The following CFHR2 variants were observed in gnomAD, a reference collection of about 807,000 sequenced individuals.
CFHR2 encodes the protein complement factor H related 2, also known as complement factor H-related protein 2.
CFHR2 carries 22 observed loss-of-function variants against 21.7 expected under a neutral mutation model. The ratio of observed to expected loss-of-function variants is 1.01; its 90% CI spans 0.72 to 1.45. CFHR2 has a LOEUF of 1.45. CFHR2 is among the 40% of genes most tolerant of loss of function. The pLI, the probability that CFHR2 is intolerant of heterozygous loss-of-function variation, is 0.00. For missense variants in CFHR2, 294 were observed against 293.3 expected, an observed-to-expected ratio of 1.00 and a Z score of -0.02; for synonymous variants, 98 against 97.4, an observed-to-expected ratio of 1.01 and a Z score of -0.04.
chr1:196,956,319 A>G (rs1241170878), intron 3 of CFHR2, among the ~76,000 whole-genome samples: 1 of 152,208 alleles, frequency 6.6e-6, no homozygotes, highest in Admixed American at 6.5e-5. Flanking sequence ...GTTTAATGTA[A>G]TTAAGTCAAA....
intron 4 of CFHR2, among the ~76,000 whole-genome samples, chr1:196,958,560 T>C (rs953297821): frequency 5.9e-5 from 9 of 152,118 alleles, no homozygotes; most frequent in Non-Finnish European, 1.0e-4. Context: ...TTACTGAAAG[T>C]TTGGATTCTT....
rs762256616 is a variant in CFHR2 at position 196,958,881 on chromosome 1, A to T, written c.614A>T (p.Asp205Val). 6 of 1,553,196 alleles carry T rather than the reference A, an allele frequency of 3.9e-6. No individual in the cohort carries two copies. Among genetic ancestry groups the T allele is most frequent in the Non-Finnish European group, 5.3e-6 (6 of 1,128,856 alleles). Residue 205 changes from aspartate to valine, a missense_variant and splice_region_variant, in exon 5 of 5, where the codon GAT becomes GTT. Physicochemically the swap from Asp to Val is radical, Grantham distance 152. Coordinates refer to ENST00000367415, the MANE Select transcript of CFHR2 (RefSeq NM_005666.4). Reference protein sequence around the residue: ...GQWSEPPKCLDPCVISQEIME... With the variant: ...GQWSEPPKCLVPCVISQEIME... The stretch of plus-strand genomic sequence containing the variant: ...TATGTTCATTTTTTTCTACTTTCAG[A>T]TCCATGTGTAATATCACAAGAAATT...
At chr1:196,957,004 C>T (rs1001751219) in intron 3 of CFHR2, among the ~76,000 whole-genome samples, 1 of 152,122 alleles carries the variant, frequency 6.6e-6, no homozygotes, top group African/African-American at 2.4e-5. Flanking sequence ...GTCTAGGTTC[C>T]TCAGTTGACC....
intron 3 of CFHR2, among the ~76,000 whole-genome samples, 184 bp downstream of exon 3, chr1:196,951,212 A>T (rs1399205748): frequency 6.6e-6 from 1 of 152,220 alleles, no homozygotes; most frequent in Non-Finnish European, 1.5e-5. Context: ...GCCTACCTAT[A>T]TAAATCAAAT....
intron 1 of CFHR2, 165 bp from the exon 2 acceptor site, chr1:196,949,290 T>A (rs528254659): frequency 1.6e-6 from 1 of 632,328 alleles, no homozygotes; most frequent in East Asian, 2.8e-5. Flanking sequence ...GTACTCTTAG[T>A]TAGTGATGTC....
chr1:196,950,133 CA>C (rs1197819364), intron 2 of CFHR2, among the ~76,000 whole-genome samples: 1 of 151,942 alleles, frequency 6.6e-6, no homozygotes, highest in Non-Finnish European at 1.5e-5. Flanking sequence ...CCAATGATAA[CA>C]GGTATATTAA....
intron 3 of CFHR2, among the ~76,000 whole-genome samples, chr1:196,954,409 C>T (rs1652788763): frequency 6.6e-6 from 1 of 152,230 alleles, no homozygotes; most frequent in African/African-American, 2.4e-5. Flanking sequence ...GCATTGAGTG[C>T]CTGCAGCCTT....
intron 3 of CFHR2, among the ~76,000 whole-genome samples, chr1:196,957,177 G>C (rs896442219): frequency 2.6e-5 from 4 of 152,030 alleles, no homozygotes; most frequent in Non-Finnish European, 4.4e-5. Context: ...TTTTCTGTCT[G>C]AACCTCATAT....
At chr1:196,955,602 A>C (rs1652839216) in intron 3 of CFHR2, among the ~76,000 whole-genome samples, 1 of 152,118 alleles carries the variant, frequency 6.6e-6, no homozygotes, top group African/African-American at 2.4e-5. Flanking sequence ...TAATCCTAGC[A>C]CTTTGGGAGA....
chr1:196,947,121 A>G (rs994137004), intron 1 of CFHR2, among the ~76,000 whole-genome samples: 2 of 149,678 alleles, frequency 1.3e-5, no homozygotes, highest in African/African-American at 2.5e-5. Context: ...GTACAACTGT[A>G]TATATGTATG....
chr1:196,953,531 C>A (rs934850053), intron 3 of CFHR2, among the ~76,000 whole-genome samples: 7 of 152,174 alleles, frequency 4.6e-5, no homozygotes, highest in African/African-American at 9.7e-5. Context: ...GATCCACCAA[C>A]CTTGGTATCC....
chr1:196,950,959 C>T lies in CFHR2; in HGVS notation c.361C>T (p.Gln121Ter), dbSNP rs367681585. 5 of 1,614,094 alleles carry T rather than the reference C, an allele frequency of 3.1e-6. No individual in the cohort carries two copies. Among genetic ancestry groups the T allele is most frequent in the Middle Eastern group, 3.3e-4 (2 of 6,060 alleles). The change falls in exon 3 of 5, where the codon CAA becomes TAA. Residue 121 changes from glutamine (Q) to a stop codon, truncating the protein, a stop_gained. Coordinates refer to ENST00000367415, the MANE Select transcript of CFHR2 (RefSeq NM_005666.4). LOFTEE classifies it high-confidence loss of function. Reference sequence around the variant, plus strand: ...TATTTGCAACACAGGATACAGACTTCAAAACAATGAGAACAACATTTCATG... The same window carrying T: ...TATTTGCAACACAGGATACAGACTTTAAAACAATGAGAACAACATTTCATG... ...QIICNTGYRL[Q>*]NNENNISCVE... is the part of the protein sequence containing the mutation.
At chr1:196,951,526 C>T (rs554190304) in intron 3 of CFHR2, among the ~76,000 whole-genome samples, 4 of 152,192 alleles carry the variant, frequency 2.6e-5, no homozygotes, top group South Asian at 4.2e-4. Flanking sequence ...ATTTGGAAAA[C>T]GATTCTTTTG....
intron 4 of CFHR2, among the ~76,000 whole-genome samples, chr1:196,958,286 A>G (rs1243565170): frequency 1.3e-5 from 2 of 152,062 alleles, no homozygotes; most frequent in Non-Finnish European, 1.5e-5. Flanking sequence ...AATAAAAAGA[A>G]TACATATTTA....
intron 1 of CFHR2, among the ~76,000 whole-genome samples, chr1:196,947,362 T>C (rs1234653447): frequency 1.3e-5 from 2 of 152,182 alleles, no homozygotes; most frequent in African/African-American, 2.4e-5. Context: ...AACTGGGTGA[T>C]GAAAACCAAG....
chr1:196,950,725 A>G (rs1659692306), intron 2 of CFHR2, 127 bp from the exon 3 acceptor site: 2 of 1,037,378 alleles, frequency 1.9e-6, no homozygotes, highest in Admixed American at 2.1e-5. Context: ...CACTCACCTC[A>G]GCCTCCCAAA....
chr1:196,950,462 GTTTGT>G (rs368906118), intron 2 of CFHR2, among the ~76,000 whole-genome samples: 1,875 of 151,722 alleles, frequency 0.012, 18 homozygotes, highest in Non-Finnish European at 0.02. Context: ...TTTTTTGTTT[GTTTGT>G]TTTGTTTTGT....
chr1:196,945,812 A>G (rs1029414156), intron 1 of CFHR2, among the ~76,000 whole-genome samples: 1 of 149,622 alleles, frequency 6.7e-6, no homozygotes, highest in African/African-American at 2.5e-5. Context: ...GTGTATAAAC[A>G]GTCATGCATC....
chr1:196,958,910 G>GA lies in CFHR2; in HGVS notation c.648dup (p.Tyr217IlefsTer2). 2 of 1,592,450 alleles carry GA rather than the reference G, an allele frequency of 1.3e-6. No individual in the cohort carries two copies. The highest frequency in any genetic ancestry group is 4.5e-5 in the East Asian group (2 of 44,540). ...ATGTGTAATATCACAAGAAATTATG[G>GA]AAAAATATAACATAAAATTAAAGTG... On this transcript the variant is annotated frameshift_variant, in exon 5 of 5. Coordinates refer to ENST00000367415, the MANE Select transcript of CFHR2 (RefSeq NM_005666.4). LOFTEE classifies it low-confidence loss of function (END_TRUNC).
Sources: gnomAD v4.1 joint callset for allele counts (sites outside exome capture counted in the v4.1 genomes callset) on GRCh38, gnomAD v4.1.1 for gene constraint, MANE v1.5 for transcripts, NCBI Gene and HGNC (gene_info 2026-07-23, HGNC 2026-07-21) for gene names.